ADORA2B: variants seen among roughly 807,000 people sequenced by gnomAD.
ADORA2B encodes the protein adenosine receptor A2b.
A neutral mutation model predicts 20.8 loss-of-function variants in ADORA2B; 18 were observed. The observed-to-expected ratio is 0.87, with a 90% CI of 0.60 to 1.29. The LOEUF (loss-of-function observed/expected upper bound fraction) is 1.29, where lower values mean the gene tolerates loss of function less well. Among genes scored for constraint, ADORA2B ranks in the 50% most tolerant of loss-of-function variants. The probability of loss-of-function intolerance (pLI) is 0.00; values close to 1 mark genes in which losing one functional copy is unlikely to be tolerated. For synonymous variants in ADORA2B, 179 were observed against 178.3 expected, an observed-to-expected ratio of 1.00 and a Z score of -0.03; for missense variants, 441 against 422.7, an observed-to-expected ratio of 1.04 and a Z score of -0.38.
At chr17:15,936,968 T>C in the ADORA2B span, among the ~76,000 whole-genome samples, 4 of 152,098 alleles carry the variant, frequency 2.6e-5, no homozygotes, top group African/African-American at 4.8e-5. Context: ...AAAAAATTAA[T>C]TAAATAAAAA....
chr17:15,853,623 A>T, the ADORA2B span, among the ~76,000 whole-genome samples: 1 of 152,214 alleles, frequency 6.6e-6, no homozygotes, highest in African/African-American at 2.4e-5. Flanking sequence ...CTGACATAAA[A>T]AGTAGTAGGA....
chr17:15,959,371 T>G (rs1183209279), intron 1 of ADORA2B, among the ~76,000 whole-genome samples: 1 of 152,348 alleles, frequency 6.6e-6, no homozygotes, highest in South Asian at 2.1e-4. Context: ...TCACAGCTTT[T>G]AAGTTGCATG....
At chr17:15,896,498 A>C in the ADORA2B span, among the ~76,000 whole-genome samples, 15 of 152,240 alleles carry the variant, frequency 9.9e-5, no homozygotes, top group African/African-American at 3.1e-4. Context: ...ATGAATTGGG[A>C]AATAAATATA....
the ADORA2B span, among the ~76,000 whole-genome samples, chr17:15,912,963 C>T: frequency 4.6e-5 from 7 of 152,242 alleles, no homozygotes; most frequent in East Asian, 3.8e-4. Flanking sequence ...CTTATTCCTG[C>T]GCCTCTGTAG....
chr17:15,949,469 C>T (rs554691249), intron 1 of ADORA2B, among the ~76,000 whole-genome samples: 3 of 152,002 alleles, frequency 2.0e-5, no homozygotes, highest in Admixed American at 1.3e-4. Flanking sequence ...GCCAGGATCA[C>T]ACCGCTGCAC....
chr17:15,871,803 G>A, the ADORA2B span, among the ~76,000 whole-genome samples: 1 of 152,130 alleles, frequency 6.6e-6, no homozygotes, highest in African/African-American at 2.4e-5. Flanking sequence ...TGGACTTAAC[G>A]CCCTGCGCCT....
At chr17:15,921,470 A>G in the ADORA2B span, among the ~76,000 whole-genome samples, 1 of 152,232 alleles carries the variant, frequency 6.6e-6, no homozygotes, top group Non-Finnish European at 1.5e-5. Context: ...ATTTTCTGTA[A>G]TCGTGTAAAT....
Position 15,975,196 on chromosome 17 carries a change from G to T in ADORA2B, c.853G>T (p.Val285Phe). 1 of 1,614,148 alleles carries T rather than the reference G, an allele frequency of 6.2e-7. No homozygotes were observed. The highest frequency in any genetic ancestry group is 8.5e-7 in the Non-Finnish European group (1 of 1,180,032). Residue 285 changes from valine (V) to phenylalanine (F), a missense_variant, in exon 2 of 2, where the codon GTC becomes TTC. Physicochemically the swap from Val to Phe is conservative, Grantham distance 50 (BLOSUM62 -1). Coordinates refer to ENST00000304222, the MANE Select transcript of ADORA2B (RefSeq NM_000676.4). ...TCTTCTGTCACATGCCAATTCAGTT[G>T]TCAATCCCATTGTCTATGCTTACCG... ...AILLSHANSV[V>F]NPIVYAYRNR...
chr17:15,964,566 G>GAC (rs1244160315), intron 1 of ADORA2B, among the ~76,000 whole-genome samples: 3 of 145,620 alleles, frequency 2.1e-5, no homozygotes. Flanking sequence ...CCGAGATCAT[G>GAC]ACACTGCACC....
At chr17:15,853,871 A>T in the ADORA2B span, among the ~76,000 whole-genome samples, 1 of 151,964 alleles carries the variant, frequency 6.6e-6, no homozygotes, top group South Asian at 2.1e-4. Context: ...GAAAATTAAA[A>T]GGTCAGTGTC....
chr17:15,927,616 C>T, the ADORA2B span, among the ~76,000 whole-genome samples: 2 of 152,274 alleles, frequency 1.3e-5, no homozygotes, highest in South Asian at 2.1e-4. Flanking sequence ...CACTGCACTC[C>T]AGCCTGAGCA....
the ADORA2B span, among the ~76,000 whole-genome samples, chr17:15,938,252 G>A: frequency 6.6e-6 from 1 of 152,086 alleles, no homozygotes; most frequent in Admixed American, 6.6e-5. Context: ...GGAAGGAAAA[G>A]AGATTTATCA....
the ADORA2B span, among the ~76,000 whole-genome samples, chr17:15,936,256 C>T: frequency 6.6e-6 from 1 of 151,988 alleles, no homozygotes; most frequent in Non-Finnish European, 1.5e-5. Flanking sequence ...TTGAGATTCT[C>T]TATTTGGTGA....
chr17:15,937,717 C>A, the ADORA2B span, among the ~76,000 whole-genome samples: 1 of 151,920 alleles, frequency 6.6e-6, no homozygotes, highest in Non-Finnish European at 1.5e-5. Flanking sequence ...GGACTACAGG[C>A]GTGTGCCACC....
At chr17:15,885,829 A>G in the ADORA2B span, among the ~76,000 whole-genome samples, 1 of 152,232 alleles carries the variant, frequency 6.6e-6, no homozygotes, top group Admixed American at 6.5e-5. Context: ...GAGAGATGAG[A>G]AAACTAAAGG....
At chr17:15,858,391 A>G in the ADORA2B span, among the ~76,000 whole-genome samples, 1 of 152,222 alleles carries the variant, frequency 6.6e-6, no homozygotes, top group African/African-American at 2.4e-5. Context: ...TGGCCATTCA[A>G]AATAGAGTGC....
chr17:15,899,087 G>A, the ADORA2B span, among the ~76,000 whole-genome samples: 1 of 151,950 alleles, frequency 6.6e-6, no homozygotes, highest in African/African-American at 2.4e-5. Flanking sequence ...AAAATTAGCT[G>A]AGCATGGTGG....
intron 1 of ADORA2B, among the ~76,000 whole-genome samples, chr17:15,956,187 G>C (rs1236307003): frequency 1.3e-5 from 2 of 152,212 alleles, no homozygotes; most frequent in East Asian, 3.8e-4. Flanking sequence ...AAGACTAAGG[G>C]ATTTTAAATT....
intron 1 of ADORA2B, among the ~76,000 whole-genome samples, chr17:15,973,526 A>T (rs1258486642): frequency 1.3e-5 from 2 of 152,224 alleles, no homozygotes; most frequent in African/African-American, 4.8e-5. Context: ...ACACAGCAGA[A>T]GGTGAGCAGG....
Sources: gnomAD v4.1 joint callset for allele counts (sites outside exome capture counted in the v4.1 genomes callset) on GRCh38, gnomAD v4.1.1 for gene constraint, MANE v1.5 for transcripts, NCBI Gene and HGNC (gene_info 2026-07-23, HGNC 2026-07-21) for gene names.